The following SPAG6 variants were observed in gnomAD, a reference collection of about 807,000 sequenced individuals.
SPAG6 encodes the protein sperm-associated antigen 6.
A neutral mutation model predicts 58.5 loss-of-function variants in SPAG6; 49 were observed. The ratio of observed to expected loss-of-function variants is 0.84; its 90% CI spans 0.67 to 1.06. The LOEUF (loss-of-function observed/expected upper bound fraction) is 1.06. Ranked by LOEUF, SPAG6 falls within the 50% of genes least tolerant of loss-of-function variation. SPAG6 has a pLI of 0.00. For synonymous variants in SPAG6, 233 were observed against 225.6 expected (o/e 1.03, Z -0.29); for missense variants, 560 against 611.3 (o/e 0.92, Z 0.89).
intron 10 of SPAG6, among the ~76,000 whole-genome samples, 180 bp from the exon 11 acceptor site, chr10:22,416,439 G>A (rs1209892272): frequency 6.6e-6 from 1 of 152,058 alleles, no homozygotes; most frequent in Non-Finnish European, 1.5e-5. Context: ...TTATGAATTC[G>A]TATTTTCCTC....
chr10:22,406,593 G>T (rs1304601685), intron 9 of SPAG6, among the ~76,000 whole-genome samples: 1 of 152,032 alleles, frequency 6.6e-6, no homozygotes, highest in Non-Finnish European at 1.5e-5. Flanking sequence ...GTGGTGTGGT[G>T]CTGAAAAAAA....
chr10:22,386,602 T>G, intron 4 of SPAG6, 152 bp from the exon 5 acceptor site: 1 of 644,640 alleles, frequency 1.6e-6, no homozygotes, highest in South Asian at 1.8e-5. Context: ...CCACATGGTT[T>G]ATGAAACCAG....
At chr10:22,389,513 C>T (rs1834138731) in intron 7 of SPAG6, among the ~76,000 whole-genome samples, 1 of 152,170 alleles carries the variant, frequency 6.6e-6, no homozygotes, top group African/African-American at 2.4e-5. Context: ...CAGCGTTTCT[C>T]ATCAACAGGA....
intron 2 of SPAG6, chr10:22,360,680 G>A: frequency 4.1e-6 from 2 of 489,246 alleles, no homozygotes; most frequent in Admixed American, 4.0e-5. Context: ...GTTATTTTTA[G>A]TATTGGATAT....
Position 22,416,784 on chromosome 10 carries a change from T to C in SPAG6, c.*96T>C, listed in dbSNP as rs1834876259. ...ATATTTGAACTAAGTATATTCTAGA[T>C]TTATTTAATGGGAAATACCTTTAGA... On this transcript the variant is annotated 3_prime_UTR_variant, in exon 11 of 11. Transcript: ENST00000376624. The C allele has an allele frequency of 4.4e-6, 3 of 682,548 alleles. No homozygotes were observed. The highest frequency in any genetic ancestry group is 3.7e-5 in the South Asian group (2 of 54,212). 42.3% of individuals were successfully genotyped at this position (682,548 alleles called of 1,614,324 possible). A position where few individuals can be genotyped will look rare whatever the true frequency, so the allele number is the denominator to read the frequency against.
At chr10:22,363,086 T>C (rs1298968749) in intron 2 of SPAG6, among the ~76,000 whole-genome samples, 1 of 152,076 alleles carries the variant, frequency 6.6e-6, no homozygotes, top group Non-Finnish European at 1.5e-5. Flanking sequence ...CAATTCTTAG[T>C]GGTGATGTTC....
At position 22,354,803 on chromosome 10, in the gene SPAG6, A is replaced by G. The variant is rs556557231; in HGVS notation, c.121+8985A>G. The stretch of plus-strand genomic sequence containing the variant: ...GTTGGGTGGAACACCTGAAGTTAGG[A>G]GTTCGAGACCAGCCTGGCCAACATG... On this transcript the variant is annotated intron_variant, in intron 2 of 10. Transcript: ENST00000376624. 3.3e-5 allele frequency among the ~76,000 whole-genome samples: 5 copies of G among 152,154 alleles called. No individual in the cohort carries two copies. The East Asian group carries it at 7.7e-4, about 24-fold the overall frequency.
chr10:22,412,447 A>T (rs1436082401), intron 10 of SPAG6: 5 of 1,518,810 alleles, frequency 3.3e-6, no homozygotes, highest in Non-Finnish European at 4.4e-6. Flanking sequence ...TTACCCAGTA[A>T]ATTCTTTCCA....
At chr10:22,379,421 T>A (rs1375769463) in intron 4 of SPAG6, among the ~76,000 whole-genome samples, 1 of 152,188 alleles carries the variant, frequency 6.6e-6, no homozygotes, top group Non-Finnish European at 1.5e-5. Flanking sequence ...AAGACTGAAA[T>A]GTCTTTTATA....
At chr10:22,396,941 A>G (rs963704827) in intron 8 of SPAG6, among the ~76,000 whole-genome samples, 1 of 152,220 alleles carries the variant, frequency 6.6e-6, no homozygotes, top group Non-Finnish European at 1.5e-5. Context: ...TACTAAATGC[A>G]ATGACAATTA....
intron 4 of SPAG6, among the ~76,000 whole-genome samples, chr10:22,385,442 A>G (rs1466491317): frequency 6.6e-6 from 1 of 152,188 alleles, no homozygotes; most frequent in East Asian, 1.9e-4. Flanking sequence ...AGAACTTCCC[A>G]TAGTATACTA....
intron 8 of SPAG6, among the ~76,000 whole-genome samples, chr10:22,395,029 T>A (rs551858156): frequency 6.6e-6 from 1 of 152,332 alleles, no homozygotes; most frequent in East Asian, 1.9e-4. Context: ...CCTTCTTTAC[T>A]ACTTACTTGA....
intron 9 of SPAG6, among the ~76,000 whole-genome samples, chr10:22,405,618 C>T (rs1834532658): frequency 6.6e-6 from 1 of 150,732 alleles, no homozygotes; most frequent in East Asian, 1.9e-4. Flanking sequence ...TGTGTCTCTG[C>T]CCGGCTTTGG....
At chr10:22,347,976 A>T (rs1268804960) in intron 2 of SPAG6, among the ~76,000 whole-genome samples, 1 of 152,162 alleles carries the variant, frequency 6.6e-6, no homozygotes, top group Admixed American at 6.5e-5. Context: ...AAGAACCTGT[A>T]AACTTTGTTA....
chr10:22,399,402 A>G (rs907566630), intron 8 of SPAG6, among the ~76,000 whole-genome samples: 1 of 152,164 alleles, frequency 6.6e-6, no homozygotes, highest in African/African-American at 2.4e-5. Flanking sequence ...TATAAATGAA[A>G]TTATACAATA....
At chr10:22,355,248 T>C (rs1283033889) in intron 2 of SPAG6, among the ~76,000 whole-genome samples, 4 of 152,174 alleles carry the variant, frequency 2.6e-5, no homozygotes, top group Non-Finnish European at 5.9e-5. Flanking sequence ...ATCTACCTCA[T>C]TGGATTGTAA....
chr10:22,373,277 G>T (rs1313990581), intron 4 of SPAG6, among the ~76,000 whole-genome samples: 2 of 152,092 alleles, frequency 1.3e-5, no homozygotes, highest in Admixed American at 6.6e-5. Flanking sequence ...TGTAAGCAAG[G>T]TCTCAAGATG....
rs1450857800 is a variant in SPAG6, at chr10:22,365,028, T to A, written c.288+9T>A. The stretch of plus-strand genomic sequence containing the variant: ...CATTGGCAGAACAGAATGTAAGAAT[T>A]AAAAAAAACTAGTTATATGTTTTTT... On this transcript the variant is annotated intron_variant, in intron 3 of 10. Transcript: ENST00000376624. The A allele has an allele frequency of 6.4e-7, 1 of 1,562,350 alleles. No individual in the cohort carries two copies. Among genetic ancestry groups the A allele is most frequent in the Non-Finnish European group, 8.7e-7 (1 of 1,155,528 alleles).
intron 8 of SPAG6, among the ~76,000 whole-genome samples, chr10:22,400,486 T>A (rs888740289): frequency 6.6e-6 from 1 of 151,914 alleles, no homozygotes; most frequent in Non-Finnish European, 1.5e-5. Context: ...CCACCTGATG[T>A]CACCTTGAAA....
Sources: allele counts gnomAD v4.1 joint callset (sites outside exome capture counted in the v4.1 genomes callset), GRCh38; gene constraint gnomAD v4.1.1; transcripts MANE v1.5; gene names NCBI Gene and HGNC (gene_info 2026-07-23, HGNC 2026-07-21).